Variants in ARHGEF12 observed in about 807,000 individuals in gnomAD.
The protein encoded by ARHGEF12 is Rho guanine nucleotide exchange factor 12.
In ARHGEF12, 66 loss-of-function variants were observed where a neutral mutation model predicts 211.2. The ratio of observed to expected loss-of-function variants is 0.31; its 90% CI spans 0.26 to 0.38. The LOEUF is 0.38. Among genes scored for constraint, ARHGEF12 ranks in the 10% least tolerant of loss-of-function variants. ARHGEF12 has a pLI of 1.00. For synonymous variants in ARHGEF12, 592 were observed against 638.4 expected (o/e 0.93, Z 1.09); for missense variants, 1,429 against 1,869.5 (o/e 0.76, Z 4.34).
chr11:120,458,506 C>G, intron 25 of ARHGEF12: 1 of 328,482 alleles, frequency 3.0e-6, no homozygotes, highest in Non-Finnish European at 5.5e-6. Flanking sequence ...GTCATTGCAA[C>G]AACTAAGTTA....
intron 12 of ARHGEF12, among the ~76,000 whole-genome samples, chr11:120,437,774 T>G (rs992535275): frequency 6.6e-6 from 1 of 152,206 alleles, no homozygotes; most frequent in Non-Finnish European, 1.5e-5. Context: ...TTCTACTTTC[T>G]GTCTCTATGA....
chr11:120,337,952 G>T (rs904404193), intron 1 of ARHGEF12: 6 of 961,454 alleles, frequency 6.2e-6, no homozygotes, highest in Non-Finnish European at 7.4e-6. Context: ...GATATAAGCC[G>T]TAAGCATAGT....
chr11:120,369,904 ATT>A lies in ARHGEF12; in HGVS notation c.32+32632_32+32633del, dbSNP rs1265239006. Among the ~76,000 whole-genome samples the A allele has an allele frequency of 2.6e-5, 4 of 152,194 alleles. No homozygotes were observed. The East Asian group carries it at 7.7e-4, about 29-fold the overall frequency. On this transcript the variant is annotated intron_variant, in intron 1 of 40. Coordinates refer to ENST00000397843, the MANE Select transcript of ARHGEF12 (RefSeq NM_015313.3). ...AGATGAAGTCGAGGCTCCCCTGGGT[ATT>A]TTCCCCCGATCCTGTTCTCTTCTGC... is the stretch of plus-strand genomic sequence containing the variant.
intron 22 of ARHGEF12, among the ~76,000 whole-genome samples, chr11:120,453,615 G>T (rs1349220656): frequency 6.6e-6 from 1 of 152,176 alleles, no homozygotes; most frequent in Non-Finnish European, 1.5e-5. Context: ...TAATCAAGAG[G>T]CTGAGGTGGG....
intron 2 of ARHGEF12, among the ~76,000 whole-genome samples, chr11:120,406,503 C>T (rs568859579): frequency 9.6e-4 from 146 of 151,986 alleles, no homozygotes; most frequent in Non-Finnish European, 1.9e-3. Flanking sequence ...ACTATAATTG[C>T]CTTTAGTTAA....
chr11:120,372,539 A>G (rs550094331), intron 1 of ARHGEF12, among the ~76,000 whole-genome samples: 56 of 152,172 alleles, frequency 3.7e-4, no homozygotes, highest in Non-Finnish European at 6.6e-4. Flanking sequence ...TCTCAAATAC[A>G]TCTAGGCAAG....
intron 1 of ARHGEF12, among the ~76,000 whole-genome samples, chr11:120,344,158 C>T (rs1410928431): frequency 1.4e-5 from 2 of 147,908 alleles, no homozygotes; most frequent in Non-Finnish European, 3.0e-5. Flanking sequence ...CCCAGCTACT[C>T]GGGAGGCTAA....
intron 1 of ARHGEF12, among the ~76,000 whole-genome samples, chr11:120,347,837 G>A (rs527270333): frequency 6.6e-6 from 1 of 152,270 alleles, no homozygotes; most frequent in Non-Finnish European, 1.5e-5. Context: ...GTAATAAACA[G>A]TGGGACACAA....
chr11:120,459,249 G>C lies in ARHGEF12; in HGVS notation c.2456G>C (p.Arg819Thr). 6.2e-7 allele frequency: 1 copy of C among 1,613,706 alleles called. No individual in the cohort carries two copies. Among genetic ancestry groups the C allele is most frequent in the Non-Finnish European group, 8.5e-7 (1 of 1,179,818 alleles). ...LDQVFYQRVS[R>T]EGILSPSELR... ...CAAGTGTTCTATCAGCGAGTATCCA[G>C]AGAAGGAATTCTGTCACCCTCAGAG... Residue 819 changes from arginine to threonine, a missense_variant, in exon 26 of 41, where the codon AGA becomes ACA. Physicochemically the swap from Arg to Thr is moderately conservative, Grantham distance 71. Transcript: ENST00000397843.
At position 120,477,507 on chromosome 11, in the gene ARHGEF12, C is replaced by A; in HGVS notation, c.3513C>A (p.Val1171=). The change falls in exon 36 of 41, where the codon GTC becomes GTA. Residue 1171 remains valine (V), a synonymous_variant. Transcript: ENST00000397843. The stretch of plus-strand genomic sequence containing the variant: ...AAGAGGAGCAGCATGGCATTTCAGT[C>A]ACTGGTTTGCAGAGTCCAGGTACAC... ...KLKEEQHGIS[V]TGLQSPDRDL... 1 of 1,609,600 alleles carries A rather than the reference C, an allele frequency of 6.2e-7. No homozygotes were observed. Among genetic ancestry groups the A allele is most frequent in the South Asian group, 1.1e-5 (1 of 90,916 alleles).
At chr11:120,364,441 T>C (rs958100015) in intron 1 of ARHGEF12, among the ~76,000 whole-genome samples, 16 of 152,210 alleles carry the variant, frequency 1.1e-4, no homozygotes, top group African/African-American at 3.6e-4. Flanking sequence ...ACTTTTTGAA[T>C]TAGTAATGCC....
intron 1 of ARHGEF12, among the ~76,000 whole-genome samples, chr11:120,380,824 C>A (rs1266936415): frequency 6.6e-6 from 1 of 152,144 alleles, no homozygotes; most frequent in Non-Finnish European, 1.5e-5. Flanking sequence ...TTTATTCAGT[C>A]ATTTATATCA....
chr11:120,431,096 C>A (rs1329599920), intron 10 of ARHGEF12, among the ~76,000 whole-genome samples: 1 of 152,040 alleles, frequency 6.6e-6, no homozygotes, highest in East Asian at 1.9e-4. Context: ...TTGAGACCAT[C>A]CTGGCCAACA....
Position 120,478,040 on chromosome 11 carries a change from T to C in ARHGEF12, c.3533-116T>C. On this transcript the variant is annotated intron_variant, in intron 36 of 40. Transcript: ENST00000397843. ...AGTGATGTGTATTTTTCTTAACAGATGATCTCTGTAGTTTATGGATTGTTT... is the reference window on the plus strand; with the variant it reads ...AGTGATGTGTATTTTTCTTAACAGACGATCTCTGTAGTTTATGGATTGTTT... 4.2e-6 allele frequency: 3 copies of C among 707,280 alleles called. No individual in the cohort carries two copies. The South Asian group carries it at 5.8e-5, about 14-fold the overall frequency. 43.8% of individuals were successfully genotyped at this position (707,280 alleles called of 1,614,324 possible).
intron 39 of ARHGEF12, among the ~76,000 whole-genome samples, chr11:120,482,528 G>A (rs61898768): frequency 0.17 from 26,406 of 151,998 alleles, 2,741 homozygotes; most frequent in Non-Finnish European, 0.23. Context: ...GGCGGATCAC[G>A]AGGTCAGGAG....
intron 2 of ARHGEF12, among the ~76,000 whole-genome samples, chr11:120,407,410 G>A (rs540020647): frequency 6.6e-5 from 10 of 152,210 alleles, no homozygotes; most frequent in Non-Finnish European, 1.5e-5. Flanking sequence ...TTCCTTTTAG[G>A]CACTGTGTTT....
chr11:120,419,618 A>G (rs1255708945), intron 4 of ARHGEF12, among the ~76,000 whole-genome samples: 1 of 151,796 alleles, frequency 6.6e-6, no homozygotes, highest in Non-Finnish European at 1.5e-5. Flanking sequence ...AGATATGTAT[A>G]TACACTGTGT....
intron 1 of ARHGEF12, among the ~76,000 whole-genome samples, chr11:120,389,040 GT>G (rs981882190): frequency 2.6e-5 from 4 of 151,320 alleles, no homozygotes; most frequent in Non-Finnish European, 5.9e-5. Flanking sequence ...TTTATTTCTA[GT>G]TTTAGTTTTA....
In ARHGEF12 at chr11:120,456,765, G is replaced by A. The variant is rs184187833; in HGVS notation, c.2057-353G>A. ...TCCTAGCACTTTGGGTGGCCAAGGC[G>A]AAAGGATTGCTTGAGCCCAGGAATT... On this transcript the variant is annotated intron_variant, in intron 22 of 40. Transcript: ENST00000397843. 1.6e-3 allele frequency among the ~76,000 whole-genome samples: 244 copies of A among 152,278 alleles called. 1 individual carries two copies. The highest frequency in any genetic ancestry group is 3.9e-4 in the East Asian group (2 of 5,178).
Sources: allele counts gnomAD v4.1 joint callset (sites outside exome capture counted in the v4.1 genomes callset), GRCh38; gene constraint gnomAD v4.1.1; transcripts MANE v1.5; gene names NCBI Gene and HGNC (gene_info 2026-07-23, HGNC 2026-07-21).